ACVR2B: variants seen among roughly 807,000 people sequenced by gnomAD.
The protein encoded by ACVR2B is activin A receptor type 2B, also known as activin receptor type-2B.
A neutral mutation model predicts 65.1 loss-of-function variants in ACVR2B; 18 were observed. The observed-to-expected ratio is 0.28, with a 90% CI of 0.19 to 0.41. The LOEUF (loss-of-function observed/expected upper bound fraction) is 0.41, where lower values mean the gene tolerates loss of function less well. ACVR2B is among the 10% of genes least tolerant of loss of function. The pLI, the probability that ACVR2B is intolerant of heterozygous loss-of-function variation, is 1.00. For missense variants in ACVR2B, 482 were observed against 682.7 expected (o/e 0.71, Z 3.28); for synonymous variants, 298 against 277.7 (o/e 1.07, Z -0.73).
At chr3:38,456,897 G>A (rs1312439481) in intron 1 of ACVR2B, among the ~76,000 whole-genome samples, 1 of 152,176 alleles carries the variant, frequency 6.6e-6, no homozygotes, top group Non-Finnish European at 1.5e-5. Flanking sequence ...TCCATGAGAT[G>A]GAATGAACTT....
intron 3 of ACVR2B, 64 bp downstream of exon 3, chr3:38,478,034 G>A (rs1575587554): frequency 3.1e-6 from 5 of 1,594,698 alleles, no homozygotes; most frequent in South Asian, 2.2e-5. Flanking sequence ...GGCTTGGAGC[G>A]CTTGGCTCCT....
rs763083195 is a variant in ACVR2B at position 38,482,335 on chromosome 3, C to T, written c.1212C>T (p.Asp404=). Residue 404 remains aspartate, a splice_region_variant and synonymous_variant, in exon 9 of 11, where the codon GAC becomes GAT. Transcript: ENST00000352511. ...WELVSRCKAA[D]GPVDEYMLPF... is the part of the protein sequence containing the mutation. Reference sequence around the variant, plus strand: ...TTGTGTCTCGCTGCAAGGCTGCAGACGGTAAGTAGGATGGCAGCCCTGGGC... The same window carrying T: ...TTGTGTCTCGCTGCAAGGCTGCAGATGGTAAGTAGGATGGCAGCCCTGGGC... 7.5e-6 allele frequency: 12 copies of T among 1,610,726 alleles called. No homozygotes were observed. Among genetic ancestry groups the T allele is most frequent in the African/African-American group, 4.1e-5 (3 of 73,676 alleles).
chr3:38,482,738 T>C (rs904494090), intron 10 of ACVR2B, among the ~76,000 whole-genome samples, 178 bp downstream of exon 10: 14 of 152,310 alleles, frequency 9.2e-5, no homozygotes, highest in African/African-American at 3.4e-4. Flanking sequence ...GTCCTTCTCC[T>C]GATCCCCACT....
At chr3:38,479,394 A>G (rs1709977040) in intron 6 of ACVR2B, 123 bp downstream of exon 6, 1 of 1,420,136 alleles carries the variant, frequency 7.0e-7, no homozygotes, top group Admixed American at 1.8e-5. Context: ...CCCCGGTAGC[A>G]CTATCCACTA....
At position 38,488,373 on chromosome 3, in the gene ACVR2B, G is replaced by A. The variant is rs956512982; in HGVS notation, c.*5041G>A. Reference sequence around the variant, plus strand: ...ATGTATCCCAAACCTTTAGAAGATTGGAAAAGATTTTTGAAATAATGATTT... The same window carrying A: ...ATGTATCCCAAACCTTTAGAAGATTAGAAAAGATTTTTGAAATAATGATTT... On this transcript the variant is annotated 3_prime_UTR_variant, in exon 11 of 11. Coordinates refer to ENST00000352511, the MANE Select transcript of ACVR2B (RefSeq NM_001106.4). 1.3e-5 allele frequency: 2 copies of A among 152,118 alleles called. No homozygotes were observed. The highest frequency in any genetic ancestry group is 4.8e-5 in the African/African-American group (2 of 41,414). 9.4% of individuals were successfully genotyped at this position (152,118 alleles called of 1,614,324 possible). A position where few individuals can be genotyped will look rare whatever the true frequency, so the allele number is the denominator to read the frequency against.
At chr3:38,457,071 G>A (rs1213092009) in intron 1 of ACVR2B, among the ~76,000 whole-genome samples, 1 of 152,146 alleles carries the variant, frequency 6.6e-6, no homozygotes, top group African/African-American at 2.4e-5. Context: ...GGGTGTGGTG[G>A]CACACGCCTG....
chr3:38,460,018 C>T (rs1052994232), intron 1 of ACVR2B, among the ~76,000 whole-genome samples: 62 of 152,204 alleles, frequency 4.1e-4, no homozygotes, highest in African/African-American at 1.4e-3. Flanking sequence ...GAAGTGATTA[C>T]AAACTGGACT....
At position 38,475,690 on chromosome 3, in the gene ACVR2B, A is replaced by G. The variant is rs1575586173; in HGVS notation, c.53-1597A>G. On this transcript the variant is annotated intron_variant, in intron 1 of 10. Coordinates refer to ENST00000352511, the MANE Select transcript of ACVR2B (RefSeq NM_001106.4). ...TCAAGCTCTTTCCTCATGAAGGCCA[A>G]CAGTAGGGGTGGAGATGAGCGTGAG... The G allele has an allele frequency of 2.6e-5, 4 of 152,398 alleles. No homozygotes were observed. In the South Asian group the frequency reaches 8.3e-4, roughly 32 times the overall value. The allele number at this position is 152,398 out of a possible 1,614,324, so 9.4% of individuals were successfully genotyped here.
At chr3:38,480,742 G>T (rs1381597825) in intron 7 of ACVR2B, among the ~76,000 whole-genome samples, 2 of 152,224 alleles carry the variant, frequency 1.3e-5, no homozygotes, top group African/African-American at 4.8e-5. Flanking sequence ...GGAATACCTA[G>T]TAAGTATGCC....
rs545126199 is a variant in ACVR2B, at chr3:38,486,983, A to C, written c.*3651A>C. The C allele has an allele frequency of 5.3e-4, 81 of 152,446 alleles. No individual in the cohort carries two copies. The highest frequency in any genetic ancestry group is 1.7e-3 in the African/African-American group (72 of 41,576). 9.4% of individuals were successfully genotyped at this position (152,446 alleles called of 1,614,324 possible). A position where few individuals can be genotyped will look rare whatever the true frequency, so the allele number is the denominator to read the frequency against. On this transcript the variant is annotated 3_prime_UTR_variant, in exon 11 of 11. Transcript: ENST00000352511. ...ATAAGCTGGGTTTTCTCCTGGGACCATTGGTCCTCAGCAGGAGTTCTTTGC... is the reference window on the plus strand; with the variant it reads ...ATAAGCTGGGTTTTCTCCTGGGACCCTTGGTCCTCAGCAGGAGTTCTTTGC...
At chr3:38,479,914 A>C in intron 7 of ACVR2B, 88 bp downstream of exon 7, 51 of 1,496,858 alleles carry the variant, frequency 3.4e-5, no homozygotes, top group Non-Finnish European at 4.3e-5. Flanking sequence ...GAGATGTCTC[A>C]ACTTCCTAAA....
In ACVR2B at chr3:38,488,197, T is replaced by C. The variant is rs2125730759; in HGVS notation, c.*4865T>C. 6.6e-6 allele frequency: 1 copy of C among 152,256 alleles called. No individual in the cohort carries two copies. The highest frequency in any genetic ancestry group is 1.9e-4 in the East Asian group (1 of 5,204). The allele number at this position is 152,256 out of a possible 1,614,324, so 9.4% of individuals were successfully genotyped here. A position where few individuals can be genotyped will look rare whatever the true frequency, so the allele number is the denominator to read the frequency against. On this transcript the variant is annotated 3_prime_UTR_variant, in exon 11 of 11. Transcript: ENST00000352511. ...GAGTTTAAATCTCAATTGACAGTAA[T>C]GTTTTAGATAAACAGGCCCAGTAAT...
intron 1 of ACVR2B, among the ~76,000 whole-genome samples, chr3:38,465,622 C>G (rs1383392364): frequency 2.0e-5 from 3 of 152,004 alleles, no homozygotes; most frequent in African/African-American, 7.3e-5. Context: ...AAGATATAAA[C>G]TGAAGCATGG....
Position 38,481,774 on chromosome 3 carries a change from A to G in ACVR2B, c.1074+309A>G, listed in dbSNP as rs192344054. The stretch of plus-strand genomic sequence containing the variant: ...TTAATTCCTAAGACAAAACAAAGAA[A>G]TGTACTAAGGATCCAAACAAAGAAC... On this transcript the variant is annotated intron_variant, in intron 8 of 10. Transcript: ENST00000352511. This position sits in a 1 kb window ranked among gnomAD's most constrained non-coding sequence, Gnocchi z 4.7. Among the ~76,000 whole-genome samples, 169 of 152,362 alleles carry G rather than the reference A, an allele frequency of 1.1e-3. No homozygotes were observed. The highest frequency in any genetic ancestry group is 1.6e-3 in the Non-Finnish European group (111 of 68,042).
chr3:38,461,698 T>A (rs995071578), intron 1 of ACVR2B, among the ~76,000 whole-genome samples: 1 of 152,064 alleles, frequency 6.6e-6, no homozygotes, highest in South Asian at 2.1e-4. Context: ...TTTTCCCATT[T>A]AAAAAAAATT....
In ACVR2B at chr3:38,477,513, TCCTTTCCTCTTGGACCCA is replaced by T. The variant is rs754084635; in HGVS notation, c.260+23_260+40del. ...ACGATAGGTACCCCAAGACTTGCCC[TCCTTTCCTCTTGGACCCA>T]CCTGCGCTTATACTGCCCACTGGGC... On this transcript the variant is annotated intron_variant, in intron 2 of 10. Coordinates refer to ENST00000352511, the MANE Select transcript of ACVR2B (RefSeq NM_001106.4). This position sits in a 1 kb window ranked among gnomAD's most constrained non-coding sequence, Gnocchi z 6.7. 4 of 1,611,266 alleles carry T rather than the reference TCCTTTCCTCTTGGACCCA, an allele frequency of 2.5e-6. No homozygotes were observed. The African/African-American group carries it at 5.4e-5, about 22-fold the overall frequency.
At chr3:38,479,314 T>C in intron 6 of ACVR2B, 43 bp downstream of exon 6, 1 of 1,613,938 alleles carries the variant, frequency 6.2e-7, no homozygotes, top group Non-Finnish European at 8.5e-7. Context: ...GGAGATGGAA[T>C]GTCCCCTTGG....
chr3:38,483,475 T>A lies in ACVR2B; in HGVS notation c.*143T>A. 1 of 303,220 alleles carries A rather than the reference T, an allele frequency of 3.3e-6. No individual in the cohort carries two copies. Among genetic ancestry groups the A allele is most frequent in the Non-Finnish European group, 5.5e-6 (1 of 180,284 alleles). The allele number at this position is 303,220 out of a possible 1,614,324, so 18.8% of individuals were successfully genotyped here. ...TTACCTTGACTTTTTATTATTATTATTATAATTATTATAATTATTATTATT... is the reference window on the plus strand; with the variant it reads ...TTACCTTGACTTTTTATTATTATTAATATAATTATTATAATTATTATTATT... On this transcript the variant is annotated 3_prime_UTR_variant, in exon 11 of 11. Transcript: ENST00000352511. The surrounding 1 kb of genome is among the most constrained non-coding windows in gnomAD (Gnocchi z 4.8).
At position 38,454,205 on chromosome 3, in the gene ACVR2B, G is replaced by A; in HGVS notation, c.-118G>A. On this transcript the variant is annotated 5_prime_UTR_variant, in exon 1 of 11. Coordinates refer to ENST00000352511, the MANE Select transcript of ACVR2B (RefSeq NM_001106.4). ...AAGGCGCAGGAAGCGCGCAGGGAAC[G>A]AGACCGAAGGAAGGAGCGGGAAGGA... is the stretch of plus-strand genomic sequence containing the variant. The A allele has an allele frequency of 1.3e-6, 1 of 751,790 alleles. No homozygotes were observed. The allele number at this position is 751,790 out of a possible 1,614,324, so 46.6% of individuals were successfully genotyped here.
Sources: gnomAD v4.1 joint callset for allele counts (sites outside exome capture counted in the v4.1 genomes callset) on GRCh38, gnomAD v4.1.1 for gene constraint, Gnocchi (gnomAD v3.1) non-coding constraint, MANE v1.5 for transcripts, NCBI Gene and HGNC (gene_info 2026-07-23, HGNC 2026-07-21) for gene names.